The following MYO3A variants were observed in gnomAD, a reference collection of about 807,000 sequenced individuals.
MYO3A encodes myosin IIIA.
In MYO3A, 180 loss-of-function variants were observed where a neutral mutation model predicts 192.7. That is an observed-to-expected ratio of 0.93 (90% CI 0.83 to 1.06). The LOEUF is 1.06. MYO3A is among the 50% of genes least tolerant of loss of function. The pLI, the probability that MYO3A is intolerant of heterozygous loss-of-function variation, is 0.00. For synonymous variants in MYO3A, 628 were observed against 645.3 expected (o/e 0.97, Z 0.41); for missense variants, 1,896 against 1,905.0 (o/e 1.00, Z 0.09).
chr10:26,049,964 G>A (rs755672533), intron 10 of MYO3A, among the ~76,000 whole-genome samples: 6 of 151,936 alleles, frequency 3.9e-5, no homozygotes, highest in African/African-American at 9.7e-5. Flanking sequence ...ATGAGCCACC[G>A]CACGCAGCTG....
At chr10:25,972,668 T>C (rs1486347086) in intron 4 of MYO3A, among the ~76,000 whole-genome samples, 1 of 152,174 alleles carries the variant, frequency 6.6e-6, no homozygotes, top group Admixed American at 6.5e-5. Context: ...CTATGAAGCC[T>C]TTGATGTCAC....
chr10:26,021,299 TA>T (rs1345410791), intron 7 of MYO3A, among the ~76,000 whole-genome samples: 1 of 152,190 alleles, frequency 6.6e-6, no homozygotes, highest in African/African-American at 2.4e-5. Flanking sequence ...TTAAACCTCC[TA>T]AGGTATTATC....
chr10:26,026,273 G>A (rs1842536512), intron 9 of MYO3A, 104 bp from the exon 10 acceptor site: 1 of 1,358,112 alleles, frequency 7.4e-7, no homozygotes, highest in Non-Finnish European at 1.0e-6. Flanking sequence ...GAGCATTTAT[G>A]AGGAGCATCA....
intron 10 of MYO3A, among the ~76,000 whole-genome samples, chr10:26,066,253 C>T (rs1477176430): frequency 6.6e-6 from 1 of 151,882 alleles, no homozygotes; most frequent in Non-Finnish European, 1.5e-5. Context: ...TCTTAATAAC[C>T]CTCATAATCT....
At chr10:26,165,949 C>T in intron 26 of MYO3A, 118 bp from the exon 27 acceptor site, 1 of 866,222 alleles carries the variant, frequency 1.2e-6, no homozygotes, top group Admixed American at 1.7e-5. Flanking sequence ...AAGGATTTCT[C>T]CGCATCAAGT....
At chr10:26,043,455 G>C (rs138343500) in intron 10 of MYO3A, among the ~76,000 whole-genome samples, 1 of 151,798 alleles carries the variant, frequency 6.6e-6, no homozygotes, top group Admixed American at 6.6e-5. Flanking sequence ...AAGGATCCAG[G>C]GACTGGAGTC....
At chr10:26,003,231 CCATT>C (rs1363811035) in intron 6 of MYO3A, among the ~76,000 whole-genome samples, 2 of 152,144 alleles carry the variant, frequency 1.3e-5, no homozygotes, top group Non-Finnish European at 2.9e-5. Context: ...TAAACTGTTA[CCATT>C]ATTATGAGAT....
intron 10 of MYO3A, among the ~76,000 whole-genome samples, chr10:26,049,060 A>G (rs1335282769): frequency 6.6e-6 from 1 of 152,208 alleles, no homozygotes; most frequent in Non-Finnish European, 1.5e-5. Flanking sequence ...AGAATAGTCA[A>G]CTTTGCCAAG....
At chr10:26,014,083 T>C (rs1467995294) in intron 6 of MYO3A, among the ~76,000 whole-genome samples, 1 of 152,012 alleles carries the variant, frequency 6.6e-6, no homozygotes, top group Non-Finnish European at 1.5e-5. Context: ...GAGTATGTAT[T>C]ACATACATGT....
intron 10 of MYO3A, among the ~76,000 whole-genome samples, chr10:26,049,937 G>A (rs547903549): frequency 6.6e-6 from 1 of 152,064 alleles, no homozygotes; most frequent in African/African-American, 2.4e-5. Context: ...GCCTCCCAAA[G>A]TACTGGGATT....
At chr10:26,033,402 C>T (rs1235307678) in intron 10 of MYO3A, among the ~76,000 whole-genome samples, 1 of 152,054 alleles carries the variant, frequency 6.6e-6, no homozygotes, top group Non-Finnish European at 1.5e-5. Context: ...TTAATGGCAC[C>T]ACCACTTATC....
At chr10:25,988,939 C>CTTTTTTTTTTTTTTTT (rs56308717) in intron 4 of MYO3A, among the ~76,000 whole-genome samples, 2 of 117,018 alleles carry the variant, frequency 1.7e-5, no homozygotes, top group African/African-American at 3.1e-5. Flanking sequence ...CCCTAAAACT[C>CTTTTTTTTTTTTTTTT]TTTTTTTTTT....
At chr10:26,035,579 A>C (rs189843750) in intron 10 of MYO3A, among the ~76,000 whole-genome samples, 9 of 152,324 alleles carry the variant, frequency 5.9e-5, no homozygotes, top group African/African-American at 2.2e-4. Flanking sequence ...TTATACAATC[A>C]TAGATTATTT....
intron 20 of MYO3A, among the ~76,000 whole-genome samples, chr10:26,141,339 A>G (rs1840154043): frequency 6.6e-6 from 1 of 152,252 alleles, no homozygotes; most frequent in Admixed American, 6.5e-5. Flanking sequence ...TAACTGCTAT[A>G]TAATACATAA....
chr10:26,166,282 G>C, intron 27 of MYO3A, 104 bp downstream of exon 27: 1 of 1,034,756 alleles, frequency 9.7e-7, no homozygotes, highest in South Asian at 1.3e-5. Flanking sequence ...TTATGTTATA[G>C]AATCTATAAC....
intron 17 of MYO3A, among the ~76,000 whole-genome samples, chr10:26,106,567 CCT>C (rs1365796676): frequency 1.3e-5 from 2 of 151,834 alleles, no homozygotes; most frequent in Admixed American, 1.3e-4. Context: ...TTATAGTTGG[CCT>C]CTGAGTCTAG....
intron 31 of MYO3A, among the ~76,000 whole-genome samples, chr10:26,191,196 A>C (rs1843110233): frequency 1.3e-5 from 2 of 152,234 alleles, no homozygotes; most frequent in African/African-American, 4.8e-5. Flanking sequence ...TGAAATGATA[A>C]AAGTTTGCAA....
chr10:26,166,253 G>C lies in MYO3A; in HGVS notation c.3111+75G>C, dbSNP rs867745714. 1.6e-5 allele frequency: 20 copies of C among 1,242,144 alleles called. No individual in the cohort carries two copies. The Middle Eastern group carries it at 2.1e-3, about 129-fold the overall frequency. The allele number at this position is 1,242,144 out of a possible 1,614,324, so 76.9% of individuals were successfully genotyped here. ...ACTGAGAATTGTAACATTTTACAAT[G>C]TTTGAAAGTATGGTTTTTTTATGTT... On this transcript the variant is annotated intron_variant, in intron 27 of 34. Transcript: ENST00000642920.
chr10:26,154,693 A>C, intron 24 of MYO3A, 53 bp from the exon 25 acceptor site: 1 of 1,522,076 alleles, frequency 6.6e-7, no homozygotes, highest in Non-Finnish European at 9.1e-7. Context: ...CTGTCTGTAG[A>C]TAATAAAGTA....
Sources: gnomAD v4.1 joint callset for allele counts (sites outside exome capture counted in the v4.1 genomes callset) on GRCh38, gnomAD v4.1.1 for gene constraint, MANE v1.5 for transcripts, NCBI Gene and HGNC (gene_info 2026-07-23, HGNC 2026-07-21) for gene names.